SETBP1: variants seen among roughly 807,000 people sequenced by gnomAD.
The protein encoded by SETBP1 is SET-binding protein.
Under a neutral mutation model 101.0 loss-of-function variants are expected in SETBP1, and 9 were observed. The ratio of observed to expected loss-of-function variants is 0.09; its 90% confidence interval spans 0.05 to 0.16. The LOEUF (loss-of-function observed/expected upper bound fraction) is 0.16. Among genes scored for constraint, SETBP1 ranks in the 10% least tolerant of loss-of-function variants. The pLI, the probability that SETBP1 is intolerant of heterozygous loss-of-function variation, is 1.00. For synonymous variants in SETBP1, 818 were observed against 788.5 expected (o/e 1.04, Z -0.63); for missense variants, 1,858 against 2,033.8 (o/e 0.91, Z 1.66).
intron 2 of SETBP1, among the ~76,000 whole-genome samples, chr18:44,773,838 A>ATGTGTGTGTGTGTGTGTGTGTGTG (rs61649185): frequency 1.3e-4 from 18 of 134,278 alleles, no homozygotes; most frequent in South Asian, 1.3e-3. Flanking sequence ...CTCTCTGTTT[A>ATGTGTGTGTGTGTGTGTGTGTGTG]TGTGTGTGTG....
At chr18:44,913,065 T>G (rs1366581283) in intron 3 of SETBP1, among the ~76,000 whole-genome samples, 2 of 152,184 alleles carry the variant, frequency 1.3e-5, no homozygotes, top group East Asian at 3.8e-4. Flanking sequence ...GGAGACAATG[T>G]CCTTTGAGAA....
At chr18:44,736,553 TTC>T (rs2069972381) in intron 2 of SETBP1, among the ~76,000 whole-genome samples, 1 of 152,196 alleles carries the variant, frequency 6.6e-6, no homozygotes, top group Admixed American at 6.5e-5. Flanking sequence ...ACTGTGATAT[TTC>T]TCTTTTTTGT....
chr18:44,978,844 A>G (rs530596524), intron 4 of SETBP1, among the ~76,000 whole-genome samples: 1 of 152,306 alleles, frequency 6.6e-6, no homozygotes, highest in East Asian at 1.9e-4. Context: ...ACGTGATGCC[A>G]TTTTACATTG....
At position 44,937,147 on chromosome 18, in the gene SETBP1, TC is replaced by T. The variant is rs558652792; in HGVS notation, c.541-12729del. 1.4e-4 allele frequency among the ~76,000 whole-genome samples: 22 copies of T among 152,200 alleles called. No homozygotes were observed. In the East Asian group the frequency reaches 3.9e-3, roughly 27 times the overall value. On this transcript the variant is annotated intron_variant, in intron 3 of 5. Transcript: ENST00000649279. ...GTCTTCAACTTCTAATGCTTTCAACTCCCCCTTTAAGATAGGCACTACTGGC... is the reference window on the plus strand; with the variant it reads ...GTCTTCAACTTCTAATGCTTTCAACTCCCCTTTAAGATAGGCACTACTGGC...
chr18:45,041,321 G>A (rs1435079974), intron 5 of SETBP1, among the ~76,000 whole-genome samples: 2 of 152,140 alleles, frequency 1.3e-5, no homozygotes, highest in East Asian at 3.8e-4. Context: ...AACAGTTTCT[G>A]GATTTGATCT....
chr18:44,835,585 T>C (rs1325170693), intron 2 of SETBP1, among the ~76,000 whole-genome samples: 3 of 152,256 alleles, frequency 2.0e-5, no homozygotes, highest in Non-Finnish European at 4.4e-5. Context: ...TTGTCCTATA[T>C]TTTATCTGGC....
chr18:45,039,904 A>G (rs2073475423), intron 5 of SETBP1, among the ~76,000 whole-genome samples: 1 of 152,206 alleles, frequency 6.6e-6, no homozygotes, highest in African/African-American at 2.4e-5. Context: ...GCAAAATACT[A>G]GTAGGTTTTT....
intron 4 of SETBP1, among the ~76,000 whole-genome samples, chr18:44,954,524 G>A (rs1397576950): frequency 6.6e-6 from 1 of 151,976 alleles, no homozygotes; most frequent in Non-Finnish European, 1.5e-5. Context: ...TTTCCTGAAG[G>A]CAAGAATAGT....
rs754812207 is a variant in SETBP1 at position 44,825,961 on chromosome 18, TAAAG to T, written c.487-43267_487-43264del. ...ACACCTCGATTTTCTCATCTGCTAA[TAAAG>T]AGTGACTAGTACCTTGATGTTTCAA... is the stretch of plus-strand genomic sequence containing the variant. On this transcript the variant is annotated intron_variant, in intron 2 of 5. Coordinates refer to ENST00000649279, the MANE Select transcript of SETBP1 (RefSeq NM_015559.3). Among the ~76,000 whole-genome samples, 33 of 152,336 alleles carry T rather than the reference TAAAG, an allele frequency of 2.2e-4. No homozygotes were observed. In the East Asian group the frequency reaches 4.6e-3, roughly 21 times the overall value.
chr18:44,716,432 G>A (rs1157862107), intron 2 of SETBP1, among the ~76,000 whole-genome samples: 1 of 152,220 alleles, frequency 6.6e-6, no homozygotes. Context: ...GGATCCTACT[G>A]CTTGCTAAAG....
chr18:44,771,402 G>T (rs756134766), intron 2 of SETBP1, among the ~76,000 whole-genome samples: 1 of 151,494 alleles, frequency 6.6e-6, no homozygotes. Context: ...GTTTCTGAGG[G>T]TGAAACTGTT....
intron 2 of SETBP1, among the ~76,000 whole-genome samples, chr18:44,727,607 G>T (rs1183716803): frequency 6.6e-6 from 1 of 152,198 alleles, no homozygotes; most frequent in South Asian, 2.1e-4. Context: ...AATCATTTAC[G>T]CAACCCCTAC....
chr18:45,052,431 G>GT (rs1392270953), intron 5 of SETBP1, among the ~76,000 whole-genome samples: 1 of 152,212 alleles, frequency 6.6e-6, no homozygotes, highest in African/African-American at 2.4e-5. Context: ...GAATTCCAGT[G>GT]GAAATTTGGG....
intron 2 of SETBP1, among the ~76,000 whole-genome samples, chr18:44,706,095 GCCTCTGAACTCT>G (rs2069210974): frequency 6.6e-6 from 1 of 152,170 alleles, no homozygotes; most frequent in Non-Finnish European, 1.5e-5. Flanking sequence ...CTACTTCGGG[GCCTCTGAACTCT>G]CCTTTGGACA....
intron 1 of SETBP1, among the ~76,000 whole-genome samples, chr18:44,687,326 A>G (rs2068855325): frequency 6.6e-6 from 1 of 152,196 alleles, no homozygotes; most frequent in Non-Finnish European, 1.5e-5. Flanking sequence ...AGGATTTCTT[A>G]AAGGTCAGAG....
intron 2 of SETBP1, among the ~76,000 whole-genome samples, chr18:44,844,079 AT>A (rs2072674531): frequency 6.6e-6 from 1 of 152,236 alleles, no homozygotes; most frequent in South Asian, 2.1e-4. Context: ...AATGGGATCT[AT>A]TCTTTGCCTT....
chr18:44,992,988 A>G (rs1275596959), intron 4 of SETBP1, among the ~76,000 whole-genome samples: 1 of 152,102 alleles, frequency 6.6e-6, no homozygotes, highest in East Asian at 1.9e-4. Context: ...TCAGGAATGC[A>G]ATTTTGATCT....
At chr18:44,946,739 T>A (rs1407060534) in intron 3 of SETBP1, among the ~76,000 whole-genome samples, 2 of 152,164 alleles carry the variant, frequency 1.3e-5, no homozygotes, top group African/African-American at 4.8e-5. Flanking sequence ...GGCTTTGTAG[T>A]AGGCCTTAGG....
intron 2 of SETBP1, among the ~76,000 whole-genome samples, chr18:44,808,081 T>A (rs1424064539): frequency 6.6e-6 from 1 of 152,192 alleles, no homozygotes; most frequent in African/African-American, 2.4e-5. Flanking sequence ...CCACCAGCAC[T>A]CTGGAGGCTC....
Sources: allele counts gnomAD v4.1 joint callset (sites outside exome capture counted in the v4.1 genomes callset), GRCh38; gene constraint gnomAD v4.1.1; transcripts MANE v1.5; gene names NCBI Gene and HGNC (gene_info 2026-07-23, HGNC 2026-07-21).